GRIN2A: variants seen among roughly 807,000 people sequenced by gnomAD.
The protein encoded by GRIN2A is glutamate receptor ionotropic, NMDA 2A.
GRIN2A carries 22 observed loss-of-function variants against 113.4 expected under a neutral mutation model. The observed-to-expected ratio is 0.19, with a 90% CI of 0.14 to 0.28. The LOEUF is 0.28. Among genes scored for constraint, GRIN2A ranks in the 10% least tolerant of loss-of-function variants. The pLI, the probability that GRIN2A is intolerant of heterozygous loss-of-function variation, is 1.00. For missense variants in GRIN2A, 1,502 were observed against 1,887.0 expected (o/e 0.80, Z 3.78); for synonymous variants, 827 against 738.4 (o/e 1.12, Z -1.94).
At chr16:9,972,010 G>A (rs1402153775) in intron 2 of GRIN2A, among the ~76,000 whole-genome samples, 1 of 86,554 alleles carries the variant, frequency 1.2e-5, no homozygotes. Flanking sequence ...CTGGCCTGAG[G>A]AGGTGGAAGT....
At chr16:10,112,271 G>A (rs1180043416) in intron 2 of GRIN2A, 1 of 641,820 alleles carries the variant, frequency 1.6e-6, no homozygotes, top group African/African-American at 1.8e-5. Flanking sequence ...TCCACCTCCA[G>A]GTGATTGGGA....
intron 2 of GRIN2A, among the ~76,000 whole-genome samples, chr16:9,962,263 G>A (rs567208621): frequency 1.2e-3 from 179 of 152,186 alleles, no homozygotes; most frequent in African/African-American, 3.9e-3. Context: ...TTCACAAATG[G>A]GATCTAATTA....
At chr16:9,928,106 T>C (rs1234779445) in intron 3 of GRIN2A, among the ~76,000 whole-genome samples, 1 of 152,314 alleles carries the variant, frequency 6.6e-6, no homozygotes, top group Non-Finnish European at 1.5e-5. Flanking sequence ...CGCTGGACCG[T>C]GACTCCTCCA....
rs773513210 is a variant in GRIN2A, at chr16:9,938,498, C to T, written c.468G>A (p.Thr156=). 25 of 1,611,550 alleles carry T rather than the reference C, an allele frequency of 1.6e-5. No individual in the cohort carries two copies. The highest frequency in any genetic ancestry group is 6.7e-5 in the Admixed American group (4 of 59,996). Residue 156 remains threonine, a synonymous_variant, in exon 3 of 13, where the codon ACG becomes ACA. Coordinates refer to ENST00000330684, the MANE Select transcript of GRIN2A (RefSeq NM_001134407.3). The part of the protein sequence containing the change: ...QFGASIQQQA[T]VMLKIMQDYD... ...AATCCTGCATGATCTTCAGCATGACCGTGGCTTGCTGCTGGATGGACGCTC... is the reference window on the plus strand; with the variant it reads ...AATCCTGCATGATCTTCAGCATGACTGTGGCTTGCTGCTGGATGGACGCTC...
At chr16:9,838,096 G>A (rs1034890146) in intron 7 of GRIN2A, among the ~76,000 whole-genome samples, 2 of 152,216 alleles carry the variant, frequency 1.3e-5, no homozygotes, top group African/African-American at 4.8e-5. Flanking sequence ...GAAGACAGTG[G>A]AAGAATAAGA....
At chr16:10,063,240 C>A (rs762035874) in intron 2 of GRIN2A, among the ~76,000 whole-genome samples, 3 of 152,112 alleles carry the variant, frequency 2.0e-5, no homozygotes, top group Non-Finnish European at 2.9e-5. Flanking sequence ...GAGAGCAAGG[C>A]TGAAAAACTA....
rs762379522 is a variant in GRIN2A at position 10,114,853 on chromosome 16, C to A, written c.414+65145G>T. Among the ~76,000 whole-genome samples, 91 of 152,324 alleles carry A rather than the reference C, an allele frequency of 6.0e-4. 1 individual carries two copies. The highest frequency in any genetic ancestry group is 3.9e-4 in the East Asian group (2 of 5,180). On this transcript the variant is annotated intron_variant, in intron 2 of 12. Transcript: ENST00000330684. Reference sequence around the variant, plus strand: ...AAGTCACGCCCCCGATGTGCCAGGTCTGCATGCTGTTTTAAAAATTTTTTG... The same window carrying A: ...AAGTCACGCCCCCGATGTGCCAGGTATGCATGCTGTTTTAAAAATTTTTTG...
At position 10,134,227 on chromosome 16, in the gene GRIN2A, G is replaced by A. The variant is rs1255504325; in HGVS notation, c.414+45771C>T. On this transcript the variant is annotated intron_variant, in intron 2 of 12. Coordinates refer to ENST00000330684, the MANE Select transcript of GRIN2A (RefSeq NM_001134407.3). ...AAAAAAAAAAAAAAAATGGAGAGGA[G>A]AGATTCAGTTAGGCAAACATTAGGC... Among the ~76,000 whole-genome samples the A allele has an allele frequency of 6.0e-5, 9 of 149,900 alleles. 1 individual carries two copies. The East Asian group carries it at 1.8e-3, about 29-fold the overall frequency.
At chr16:10,075,328 A>T (rs2047848179) in intron 2 of GRIN2A, among the ~76,000 whole-genome samples, 1 of 152,138 alleles carries the variant, frequency 6.6e-6, no homozygotes, top group Non-Finnish European at 1.5e-5. Flanking sequence ...TGACTTGTCT[A>T]AAGTCCCGTA....
At chr16:9,799,677 T>C (rs1003366655) in intron 10 of GRIN2A, among the ~76,000 whole-genome samples, 5 of 152,212 alleles carry the variant, frequency 3.3e-5, no homozygotes, top group Non-Finnish European at 7.3e-5. Flanking sequence ...AATGTTATTA[T>C]GCCACACAAA....
intron 2 of GRIN2A, among the ~76,000 whole-genome samples, chr16:9,948,138 C>T (rs1303795255): frequency 2.0e-5 from 3 of 152,188 alleles, no homozygotes; most frequent in Non-Finnish European, 2.9e-5. Context: ...CTGAATGTTC[C>T]GCTTTGCAGG....
intron 2 of GRIN2A, among the ~76,000 whole-genome samples, chr16:10,105,117 T>A (rs1394777048): frequency 6.6e-6 from 1 of 150,386 alleles, no homozygotes; most frequent in Non-Finnish European, 1.5e-5. Flanking sequence ...TCAGAGTTCA[T>A]CCCGAGTCTT....
At chr16:10,043,990 C>T (rs138348677) in intron 2 of GRIN2A, among the ~76,000 whole-genome samples, 3,273 of 107,510 alleles carry the variant, frequency 0.03, 168 homozygotes, top group African/African-American at 0.11. Flanking sequence ...TATACACATA[C>T]GTGTGTGTGT....
intron 2 of GRIN2A, among the ~76,000 whole-genome samples, chr16:10,123,647 G>A (rs2048874089): frequency 6.6e-6 from 1 of 152,182 alleles, no homozygotes; most frequent in Non-Finnish European, 1.5e-5. Flanking sequence ...AGCTCGGTCA[G>A]TCTGGATGGG....
chr16:9,964,878 G>C (rs1045748300), intron 2 of GRIN2A, among the ~76,000 whole-genome samples: 6 of 152,170 alleles, frequency 3.9e-5, no homozygotes, highest in African/African-American at 1.4e-4. Context: ...GGACATCTTA[G>C]GGAAGCCATT....
At chr16:10,055,839 A>G (rs1712870871) in intron 2 of GRIN2A, among the ~76,000 whole-genome samples, 1 of 152,240 alleles carries the variant, frequency 6.6e-6, no homozygotes, top group African/African-American at 2.4e-5. Context: ...CATCAGGTTT[A>G]AAATGTTAAA....
chr16:9,843,439 C>T (rs543960680), intron 5 of GRIN2A, among the ~76,000 whole-genome samples: 1 of 152,314 alleles, frequency 6.6e-6, no homozygotes, highest in Admixed American at 6.5e-5. Context: ...AAGTGATACT[C>T]CCACTTTGGC....
intron 2 of GRIN2A, among the ~76,000 whole-genome samples, chr16:9,977,739 AC>A (rs1279838437): frequency 4.6e-5 from 7 of 152,116 alleles, no homozygotes; most frequent in Admixed American, 4.6e-4. Flanking sequence ...GCATGTACTC[AC>A]ATGTGCACAC....
chr16:10,008,742 A>T (rs1197111901), intron 2 of GRIN2A, among the ~76,000 whole-genome samples: 1 of 152,238 alleles, frequency 6.6e-6, no homozygotes. Context: ...AATTGGTCAC[A>T]TCCATTAGGG....
Sources: gnomAD v4.1 joint callset for allele counts (sites outside exome capture counted in the v4.1 genomes callset) on GRCh38, gnomAD v4.1.1 for gene constraint, MANE v1.5 for transcripts, NCBI Gene and HGNC (gene_info 2026-07-23, HGNC 2026-07-21) for gene names.